The following TDRD7 variants were observed in gnomAD, a reference collection of about 807,000 sequenced individuals.
TDRD7 encodes tudor domain-containing protein 7.
TDRD7 carries 47 observed loss-of-function variants against 109.8 expected under a neutral mutation model. That is an observed-to-expected ratio of 0.43 (90% CI 0.34 to 0.55). The LOEUF is 0.55. TDRD7 is among the 20% of genes least tolerant of loss of function. TDRD7 has a pLI of 0.03. For missense variants in TDRD7, 1,164 were observed against 1,319.2 expected (o/e 0.88, Z 1.82); for synonymous variants, 424 against 457.3 (o/e 0.93, Z 0.93).
intron 8 of TDRD7, among the ~76,000 whole-genome samples, chr9:97,469,421 A>G (rs997777618): frequency 6.6e-6 from 1 of 152,204 alleles, no homozygotes; most frequent in Non-Finnish European, 1.5e-5. Context: ...TCACATGGCC[A>G]AGGAAAGGAG....
rs545416359 is a variant in TDRD7, at chr9:97,471,057, GA to G, written c.1741+389del. ...CTGAGATGTACTGTGGTGATGCTGT[GA>G]GGGTGTGACTGACACACCTTCATGT... On this transcript the variant is annotated intron_variant, in intron 9 of 16. Coordinates refer to ENST00000355295, the MANE Select transcript of TDRD7 (RefSeq NM_014290.3). 2.1e-3 allele frequency among the ~76,000 whole-genome samples: 322 copies of G among 152,210 alleles called. 1 individual carries two copies. Among genetic ancestry groups the G allele is most frequent in the African/African-American group, 7.5e-3 (311 of 41,518 alleles).
chr9:97,460,713 C>CA lies in TDRD7; in HGVS notation c.1392dup (p.Pro465ThrfsTer7). 1 of 1,614,162 alleles carries CA rather than the reference C, an allele frequency of 6.2e-7. No homozygotes were observed. Among genetic ancestry groups the CA allele is most frequent in the Non-Finnish European group, 8.5e-7 (1 of 1,180,034 alleles). On this transcript the variant is annotated frameshift_variant, in exon 7 of 17. Coordinates refer to ENST00000355295, the MANE Select transcript of TDRD7 (RefSeq NM_014290.3). LOFTEE classifies it high-confidence loss of function. ...CCTTTAATGATTCCAACTGAAGCAT[C>CA]ACCATCTGTATTGGTGGTTGAACTG...
chr9:97,434,555 C>T (rs1426407527), intron 4 of TDRD7, among the ~76,000 whole-genome samples: 1 of 152,122 alleles, frequency 6.6e-6, no homozygotes, highest in Non-Finnish European at 1.5e-5. Context: ...TTTAGCCATT[C>T]CACAGTGTAC....
intron 7 of TDRD7, among the ~76,000 whole-genome samples, chr9:97,462,885 T>C (rs1241705908): frequency 6.6e-6 from 1 of 152,216 alleles, no homozygotes; most frequent in Non-Finnish European, 1.5e-5. Flanking sequence ...TCTCATCACC[T>C]TCCTCCCTTC....
Position 97,460,580 on chromosome 9 carries a change from G to A in TDRD7, c.1258G>A (p.Ala420Thr). Residue 420 changes from alanine to threonine, a missense_variant, in exon 7 of 17, where the codon GCA (alanine) becomes ACA (threonine). This residue lies in a region of TDRD7 where 407 missense variants were observed against 394.0 expected (regional missense o/e 1.03). Transcript: ENST00000355295. The stretch of plus-strand genomic sequence containing the variant: ...CAAAATCCAAAAGGATGCAGGGCAA[G>A]CACATGGTGATAATGATATCAAGGC... Reference protein sequence around the residue: ...TDKIQKDAGQAHGDNDIKAMV... With the variant: ...TDKIQKDAGQTHGDNDIKAMV... 6.2e-7 allele frequency: 1 copy of A among 1,614,224 alleles called. No homozygotes were observed. The highest frequency in any genetic ancestry group is 8.5e-7 in the Non-Finnish European group (1 of 1,180,044).
At chr9:97,421,089 C>T (rs1247593870) in intron 1 of TDRD7, among the ~76,000 whole-genome samples, 7 of 149,194 alleles carry the variant, frequency 4.7e-5, no homozygotes, top group South Asian at 2.1e-4. Flanking sequence ...GAGCCGAGAT[C>T]GGGCTACTGC....
chr9:97,470,278 C>T (rs1233256670), intron 8 of TDRD7, among the ~76,000 whole-genome samples: 1 of 152,156 alleles, frequency 6.6e-6, no homozygotes, highest in African/African-American at 2.4e-5. Flanking sequence ...GAAAGACTGG[C>T]GACAGCAAGG....
chr9:97,472,441 C>T lies in TDRD7; in HGVS notation c.1890C>T (p.Ile630=), dbSNP rs144270321. The change falls in exon 10 of 17, where the codon ATC becomes ATT. Residue 630 remains isoleucine (I), a synonymous_variant. Coordinates refer to ENST00000355295, the MANE Select transcript of TDRD7 (RefSeq NM_014290.3). ...YDTSGEDDIN[I]NATCLKAICD... is the part of the protein sequence containing the mutation. ...CCTCAGGAGAAGATGATATCAATATCAATGCCACCTGCTTGAAGGCTATAT... is the reference window on the plus strand; with the variant it reads ...CCTCAGGAGAAGATGATATCAATATTAATGCCACCTGCTTGAAGGCTATAT... The T allele has an allele frequency of 2.5e-6, 4 of 1,613,830 alleles. No homozygotes were observed. The African/African-American group carries it at 4.0e-5, about 16-fold the overall frequency.
rs1827728062 is a variant in TDRD7 at position 97,412,252 on chromosome 9, C to T, written c.-7+14C>T. The T allele has an allele frequency of 6.6e-6, 1 of 152,356 alleles. No individual in the cohort carries two copies. Among genetic ancestry groups the T allele is most frequent in the Admixed American group, 6.5e-5 (1 of 15,288 alleles). 9.4% of individuals were successfully genotyped at this position (152,356 alleles called of 1,614,324 possible). A position where few individuals can be genotyped will look rare whatever the true frequency, so the allele number is the denominator to read the frequency against. ...CCCCGGAACGAGGTGAGTGCAGGTC[C>T]TGCGGGCTCCGGGCGCGACAGGTGC... On this transcript the variant is annotated intron_variant, in intron 1 of 16. Transcript: ENST00000355295. This position sits in a 1 kb window ranked among gnomAD's most constrained non-coding sequence, Gnocchi z 4.3.
intron 16 of TDRD7, among the ~76,000 whole-genome samples, chr9:97,488,552 A>AT (rs1160529979): frequency 9.0e-6 from 1 of 111,404 alleles, no homozygotes; most frequent in African/African-American, 3.3e-5. Context: ...TCTTCTTCAG[A>AT]TTTAATGGTT....
chr9:97,483,118 C>A lies in TDRD7; in HGVS notation c.2682C>A (p.Ser894Arg), dbSNP rs138199272. The stretch of plus-strand genomic sequence containing the variant: ...AAAAGTCCATGGTGGACCATACGAG[C>A]GCTTTCTCCACAGAGGAACTGCCAC... ...VIKKSMVDHTSAFSTEELPPP... is the reference protein window; with the variant it reads ...VIKKSMVDHTRAFSTEELPPP... Residue 894 changes from serine to arginine, a missense_variant, in exon 15 of 17, where the codon AGC becomes AGA. Ser to Arg is a moderately radical substitution (Grantham distance 110). Transcript: ENST00000355295. The A allele has an allele frequency of 6.2e-7, 1 of 1,614,166 alleles. No homozygotes were observed. The highest frequency in any genetic ancestry group is 1.1e-5 in the South Asian group (1 of 91,090).
chr9:97,477,640 G>A (rs890625038), intron 12 of TDRD7, among the ~76,000 whole-genome samples: 1 of 151,938 alleles, frequency 6.6e-6, no homozygotes, highest in Non-Finnish European at 1.5e-5. Context: ...AGTGATGTAT[G>A]GAAAGTCAGA....
intron 6 of TDRD7, among the ~76,000 whole-genome samples, chr9:97,453,350 C>A (rs1277379364): frequency 1.3e-5 from 2 of 151,568 alleles, no homozygotes; most frequent in Non-Finnish European, 2.9e-5. Flanking sequence ...AATGGTGGTC[C>A]CATAAGATTA....
intron 1 of TDRD7, among the ~76,000 whole-genome samples, chr9:97,416,791 G>A (rs1447947109): frequency 6.6e-6 from 1 of 151,708 alleles, no homozygotes; most frequent in East Asian, 1.9e-4. Context: ...AGGAGTGGTA[G>A]GTGGATGGAG....
Position 97,473,637 on chromosome 9 carries a change from A to C in TDRD7, c.2079+11A>C, listed in dbSNP as rs199696658. The C allele has an allele frequency of 3.1e-6, 5 of 1,613,326 alleles. No individual in the cohort carries two copies. The highest frequency in any genetic ancestry group is 4.2e-6 in the Non-Finnish European group (5 of 1,179,604). On this transcript the variant is annotated intron_variant, in intron 11 of 16. Transcript: ENST00000355295. ...TACTTCCATTGCAAGGTATAGCAGA[A>C]CCTCTTCTACCTCTAAAATTAGCCC...
intron 6 of TDRD7, among the ~76,000 whole-genome samples, chr9:97,458,052 A>G (rs910010700): frequency 2.0e-5 from 3 of 152,182 alleles, no homozygotes; most frequent in African/African-American, 7.2e-5. Context: ...AGGTGTAGCA[A>G]ACCACTATGG....
rs761826337 is a variant in TDRD7, at chr9:97,472,492, G to C, written c.1941G>C (p.Leu647=). 1 of 1,612,510 alleles carries C rather than the reference G, an allele frequency of 6.2e-7. No individual in the cohort carries two copies. The highest frequency in any genetic ancestry group is 8.5e-7 in the Non-Finnish European group (1 of 1,178,792). The change falls in exon 10 of 17, where the codon CTG becomes CTC. Residue 647 remains leucine (L), a synonymous_variant. Transcript: ENST00000355295. ...GTGACAAGTCACTAGAGGTTCACCT[G>C]CAGGTACCACTGTGATCACTGTTGT... ...AICDKSLEVH[L]QVDAMYTNVK... is the part of the protein sequence containing the mutation.
intron 6 of TDRD7, among the ~76,000 whole-genome samples, chr9:97,453,698 A>C (rs1234617045): frequency 2.0e-5 from 3 of 152,178 alleles, no homozygotes; most frequent in Non-Finnish European, 4.4e-5. Context: ...GATGGAGGAA[A>C]ATTTACCAAG....
At chr9:97,427,192 A>T (rs921741405) in intron 1 of TDRD7, among the ~76,000 whole-genome samples, 6 of 152,068 alleles carry the variant, frequency 3.9e-5, no homozygotes, top group African/African-American at 1.4e-4. Context: ...TATTCTCTGA[A>T]TGTATCTCCT....
Sources: allele counts gnomAD v4.1 joint callset (sites outside exome capture counted in the v4.1 genomes callset), GRCh38; gene constraint gnomAD v4.1.1; regional missense constraint gnomAD v4.1.1; non-coding constraint Gnocchi (gnomAD v3.1); transcripts MANE v1.5; gene names NCBI Gene and HGNC (gene_info 2026-07-23, HGNC 2026-07-21).